The following CHM variants were observed in gnomAD, a reference collection of about 807,000 sequenced individuals.
CHM encodes the protein rab proteins geranylgeranyltransferase component A 1.
A neutral mutation model predicts 49.0 loss-of-function variants in CHM; 10 were observed. The observed-to-expected ratio is 0.20, with a 90% CI of 0.13 to 0.35. CHM has a LOEUF of 0.35. Among genes scored for constraint, CHM ranks in the 10% least tolerant of loss-of-function variants. The pLI, the probability that CHM is intolerant of heterozygous loss-of-function variation, is 1.00. For missense variants in CHM, 455 were observed against 478.4 expected (o/e 0.95, Z 0.46); for synonymous variants, 184 against 167.5 (o/e 1.10, Z -0.76).
chrX:86,016,436 C>A (rs1281121417), intron 2 of CHM, among the ~76,000 whole-genome samples: 3 of 111,942 alleles, frequency 2.7e-5, no homozygotes, highest in African/African-American at 9.7e-5. Context: ...CCGGGGATCC[C>A]CCAGCTGTAT....
chrX:85,998,140 TA>T lies in CHM; in HGVS notation c.117-16332del, dbSNP rs201337469. On this transcript the variant is annotated intron_variant, in intron 2 of 14. Transcript: ENST00000357749. ...GTAGCTTTTGTCAAATATTTATTTG[TA>T]AAAAAAAAATTAATTTTTTATTGTT... Among the ~76,000 whole-genome samples the T allele has an allele frequency of 4.8e-4, 52 of 108,816 alleles. 1 individual carries two copies. Among genetic ancestry groups the T allele is most frequent in the Admixed American group, 8.8e-4 (9 of 10,185 alleles). The allele number at this position is 108,816 out of a possible 115,157, so 94.5% of individuals were successfully genotyped here.
intron 1 of CHM, among the ~76,000 whole-genome samples, chrX:86,035,639 T>C (rs1480841863): frequency 3.6e-5 from 4 of 110,892 alleles, no homozygotes; most frequent in Non-Finnish European, 7.5e-5. Context: ...ACAGTAGTTA[T>C]GTTTAAAAAG....
At chrX:85,878,265 A>C (rs1297691019) in intron 13 of CHM, among the ~76,000 whole-genome samples, 1 of 111,462 alleles carries the variant, frequency 9.0e-6, no homozygotes, top group Non-Finnish European at 1.9e-5. Flanking sequence ...GGATCACCTG[A>C]GGTCAGGCGT....
At chrX:85,985,943 G>A (rs1036662805) in intron 2 of CHM, among the ~76,000 whole-genome samples, 1 of 111,312 alleles carries the variant, frequency 9.0e-6, no homozygotes, top group Non-Finnish European at 1.9e-5. Context: ...GTAGCAGCTC[G>A]GCAACTCCCT....
intron 1 of CHM, among the ~76,000 whole-genome samples, chrX:86,034,036 A>G (rs1934140304): frequency 8.9e-6 from 1 of 111,811 alleles, no homozygotes; most frequent in African/African-American, 3.3e-5. Context: ...GAGTTTCAGT[A>G]TTCAAGAGTA....
intron 8 of CHM, among the ~76,000 whole-genome samples, chrX:85,945,637 G>A (rs1276419120): frequency 9.3e-6 from 1 of 107,818 alleles, no homozygotes; most frequent in East Asian, 2.9e-4. Context: ...CCCAGTGTCA[G>A]GTATTTCTTT....
chrX:85,878,874 G>C (rs1408939262), intron 13 of CHM, 91 bp downstream of exon 13: 3 of 634,049 alleles, frequency 4.7e-6, no homozygotes, highest in Non-Finnish European at 7.6e-6. Context: ...TCCCATTTCA[G>C]TTCAGGTTGC....
intron 8 of CHM, among the ~76,000 whole-genome samples, chrX:85,942,217 T>C (rs1168883925): frequency 9.1e-6 from 1 of 109,394 alleles, no homozygotes; most frequent in African/African-American, 3.3e-5. Flanking sequence ...GGTGCCTATA[T>C]ATCATAGTAC....
intron 11 of CHM, among the ~76,000 whole-genome samples, chrX:85,899,002 T>C (rs1305043373): frequency 8.9e-6 from 1 of 112,505 alleles, no homozygotes; most frequent in East Asian, 2.8e-4. Context: ...TTATTAGCAA[T>C]AAAAATTGTT....
chrX:85,973,328 A>AAAAAAAAAAAAAAAAAAAAAAAAAAAAAC (rs1931070685), intron 4 of CHM, among the ~76,000 whole-genome samples: 2 of 101,520 alleles, frequency 2.0e-5, no homozygotes, highest in African/African-American at 3.6e-5. Flanking sequence ...AAAAAAAAAA[A>AAAAAAAAAAAAAAAAAAAAAAAAAAAAAC]AAAGAAAGAA....
intron 11 of CHM, among the ~76,000 whole-genome samples, chrX:85,897,437 G>A (rs988909139): frequency 1.5e-4 from 14 of 93,151 alleles, no homozygotes; most frequent in African/African-American, 2.0e-4. Context: ...GTGTGTGTGC[G>A]TGTACAAGAG....
chrX:86,039,719 C>T (rs779338121), intron 1 of CHM, among the ~76,000 whole-genome samples: 8 of 110,724 alleles, frequency 7.2e-5, no homozygotes, highest in African/African-American at 2.0e-4. Context: ...AAACCACTTA[C>T]GGCCCACCCC....
chrX:85,891,953 G>T lies in CHM; in HGVS notation c.1510+2235C>A, dbSNP rs781018533. Among the ~76,000 whole-genome samples the T allele has an allele frequency of 5.6e-4, 63 of 112,265 alleles. No homozygotes were observed. The South Asian group carries it at 0.017, about 30-fold the overall frequency. ...CCTCTTGTATCAGTGTGACCTGGAT[G>T]TGAGACCTGGAGTCAAAGGAGATCA... is the stretch of plus-strand genomic sequence containing the variant. On this transcript the variant is annotated intron_variant, in intron 12 of 14. Coordinates refer to ENST00000357749, the MANE Select transcript of CHM (RefSeq NM_000390.4).
chrX:85,991,666 G>A (rs1282169014), intron 2 of CHM, among the ~76,000 whole-genome samples: 1 of 111,275 alleles, frequency 9.0e-6, no homozygotes, highest in Non-Finnish European at 1.9e-5. Context: ...TTCTCAGCAC[G>A]ATTAAATATG....
At position 85,943,792 on chromosome X, in the gene CHM, G is replaced by T. The variant is rs757840852; in HGVS notation, c.1166+12361C>A. Among the ~76,000 whole-genome samples the T allele has an allele frequency of 6.3e-5, 7 of 111,532 alleles. No homozygotes were observed. In the East Asian group the frequency reaches 2.0e-3, roughly 31 times the overall value. On this transcript the variant is annotated intron_variant, in intron 8 of 14. Coordinates refer to ENST00000357749, the MANE Select transcript of CHM (RefSeq NM_000390.4). ...AAGAAAAATGCATATTAGAAAATCT[G>T]GTTTCTAGCCTCAGCCTTTTTATCT...
intron 13 of CHM, 142 bp from the exon 14 acceptor site, chrX:85,873,354 G>C: frequency 4.7e-6 from 2 of 426,766 alleles, no homozygotes; most frequent in South Asian, 9.7e-5. Flanking sequence ...TAGTAAATTT[G>C]CATCTACACA....
chrX:85,919,238 AAGGTTAAAACTATATAC>A (rs2148180965), intron 8 of CHM, among the ~76,000 whole-genome samples: 1 of 111,943 alleles, frequency 8.9e-6, no homozygotes, highest in Non-Finnish European at 1.9e-5. Context: ...GAAGCTGTAT[AAGGTTAAAACTATATAC>A]AGGTTAAAAA....
chrX:86,028,265 GAGA>G (rs1933917527), intron 1 of CHM, among the ~76,000 whole-genome samples: 1 of 111,379 alleles, frequency 9.0e-6, no homozygotes, highest in South Asian at 3.8e-4. Flanking sequence ...ATGCATTTTA[GAGA>G]AGAAGAAAAA....
At chrX:85,868,613 T>C (rs1216896640) in intron 14 of CHM, among the ~76,000 whole-genome samples, 2 of 111,680 alleles carry the variant, frequency 1.8e-5, no homozygotes, top group Non-Finnish European at 3.8e-5. Context: ...CTTAACTTCA[T>C]CTGTTCCTTC....
Sources: allele counts gnomAD v4.1 joint callset (sites outside exome capture counted in the v4.1 genomes callset), GRCh38; gene constraint gnomAD v4.1.1; transcripts MANE v1.5; gene names NCBI Gene and HGNC (gene_info 2026-07-23, HGNC 2026-07-21).